STAT3: variants seen among roughly 807,000 people sequenced by gnomAD.
STAT3 encodes signal transducer and activator of transcription 3.
In STAT3, 7 loss-of-function variants were observed where a neutral mutation model predicts 114.3. The ratio of observed to expected loss-of-function variants is 0.06; its 90% confidence interval spans 0.03 to 0.11. The LOEUF is 0.11. Ranked by LOEUF, STAT3 falls within the 10% of genes least tolerant of loss-of-function variation. The pLI, the probability that STAT3 is intolerant of heterozygous loss-of-function variation, is 1.00. For missense variants in STAT3, 364 were observed against 960.9 expected, an observed-to-expected ratio of 0.38 and a Z score of 8.21; for synonymous variants, 331 against 354.5, an observed-to-expected ratio of 0.93 and a Z score of 0.74.
chr17:42,340,816 G>A (rs780789329), intron 4 of STAT3, among the ~76,000 whole-genome samples: 6 of 152,158 alleles, frequency 3.9e-5, no homozygotes, highest in African/African-American at 9.7e-5. Context: ...AAAGAACCCA[G>A]CACCTAAGCT....
chr17:42,345,824 C>T (rs1046091524), intron 3 of STAT3, among the ~76,000 whole-genome samples, 167 bp from the exon 4 acceptor site: 1 of 149,902 alleles, frequency 6.7e-6, no homozygotes, highest in African/African-American at 2.5e-5. Flanking sequence ...CGGCGGGGGG[C>T]GAAGGGGAGG....
rs1429749412 is a variant in STAT3 at position 42,324,045 on chromosome 17, GCA to G, written c.1601-422_1601-421del. On this transcript the variant is annotated intron_variant, in intron 17 of 23. Transcript: ENST00000264657. The surrounding 1 kb of genome is among the most constrained non-coding windows in gnomAD (Gnocchi z 4.5). ...TTTTTTAAAAACTAGCCTACGCTGG[GCA>G]CAGTGGCTCAAGCCTGTAATCCCAG... is the stretch of plus-strand genomic sequence containing the variant. Among the ~76,000 whole-genome samples the G allele has an allele frequency of 2.6e-5, 4 of 152,190 alleles. No individual in the cohort carries two copies. Among genetic ancestry groups the G allele is most frequent in the African/African-American group, 4.8e-5 (2 of 41,442 alleles).
At chr17:42,331,407 G>A in intron 11 of STAT3, 65 bp downstream of exon 11, 1 of 1,377,110 alleles carries the variant, frequency 7.3e-7, no homozygotes, top group Non-Finnish European at 1.0e-6. Flanking sequence ...TTCAAATGAT[G>A]TCTGTCAAAG....
At chr17:42,335,793 G>C (rs567486049) in intron 8 of STAT3, among the ~76,000 whole-genome samples, 1 of 152,252 alleles carries the variant, frequency 6.6e-6, no homozygotes, top group South Asian at 2.1e-4. Flanking sequence ...AACCTGGGAG[G>C]AGGAGGTTGC....
chr17:42,338,790 A>G lies in STAT3; in HGVS notation c.491T>C (p.Val164Ala). The G allele has an allele frequency of 6.2e-7, 1 of 1,613,746 alleles. No individual in the cohort carries two copies. The highest frequency in any genetic ancestry group is 8.5e-7 in the Non-Finnish European group (1 of 1,179,920). The change falls in exon 6 of 24, where the codon GTG becomes GCG. Residue 164 changes from valine to alanine, a missense_variant. Val to Ala is a moderately conservative substitution (Grantham distance 64). Coordinates refer to ENST00000264657, the MANE Select transcript of STAT3 (RefSeq NM_139276.3). ...AAAGTCATCCTGGAGATTCTCTACC[A>G]CTTTCATTTTCTGTTCTAGATCCTG... The part of the protein sequence containing the change: ...RVQDLEQKMK[V>A]VENLQDDFDF...
In STAT3 at chr17:42,317,187, C is replaced by T. The variant is rs768290157; in HGVS notation, c.2139G>A (p.Val713=). Residue 713 remains valine (V), a synonymous_variant, in exon 22 of 24, where the codon GTG becomes GTA. Coordinates refer to ENST00000264657, the MANE Select transcript of STAT3 (RefSeq NM_139276.3). ...GGGGAAAGGAAGCCACTTACGGTGT[C>T]ACACAGATAAACTTGGTCTTCAGGT... is the stretch of plus-strand genomic sequence containing the variant. ...APYLKTKFIC[V]TPTTCSNTID... is the part of the protein sequence containing the mutation. The T allele has an allele frequency of 6.2e-7, 1 of 1,614,032 alleles. No individual in the cohort carries two copies. The highest frequency in any genetic ancestry group is 1.7e-5 in the Admixed American group (1 of 60,012).
chr17:42,328,515 C>A (rs565109632), intron 14 of STAT3, among the ~76,000 whole-genome samples: 40 of 152,322 alleles, frequency 2.6e-4, no homozygotes, highest in African/African-American at 8.9e-4. Context: ...TCAAGCGATT[C>A]TCATGCCTCA....
intron 15 of STAT3, 85 bp downstream of exon 15, chr17:42,326,031 C>T: frequency 8.2e-7 from 1 of 1,224,840 alleles, no homozygotes; most frequent in Admixed American, 1.7e-5. Context: ...ATCATTCCAC[C>T]TTCTCTTGTA....
chr17:42,339,413 C>G lies in STAT3; in HGVS notation c.373-4G>C, dbSNP rs376611360. The G allele has an allele frequency of 1.2e-5, 20 of 1,613,782 alleles. No individual in the cohort carries two copies. In the African/African-American group the frequency reaches 1.9e-4, roughly 15 times the overall value. ...GGTGGTTGGCCTGGCCCCCTTGCTG[C>G]CAAAAAGGAGGTCAATGCACATGTG... On this transcript the variant is annotated splice_region_variant and splice_polypyrimidine_tract_variant and intron_variant, in intron 4 of 23. Transcript: ENST00000264657.
intron 1 of STAT3, among the ~76,000 whole-genome samples, chr17:42,380,154 A>G (rs2084695455): frequency 6.6e-6 from 1 of 151,842 alleles, no homozygotes; most frequent in Non-Finnish European, 1.5e-5. Context: ...CTCCTGCCTC[A>G]GCCTCCCGGG....
At position 42,315,749 on chromosome 17, in the gene STAT3, A is replaced by G. The variant is rs2144606051; in HGVS notation, c.2309T>C (p.Met770Thr). The part of the protein sequence containing the change: ...ELTSECATSP[M>T] The stretch of plus-strand genomic sequence containing the variant: ...GCAGCTTCCGTTCTCAGCTCCTCAC[A>G]TGGGGGAGGTAGCGCACTCCGAGGT... Residue 770 changes from methionine (M) to threonine (T), a missense_variant, in exon 24 of 24, where the codon ATG becomes ACG. By Grantham distance (81) the Met-to-Thr change is moderately conservative. Transcript: ENST00000264657. 1 of 1,613,962 alleles carries G rather than the reference A, an allele frequency of 6.2e-7. No homozygotes were observed. Among genetic ancestry groups the G allele is most frequent in the Non-Finnish European group, 8.5e-7 (1 of 1,179,944 alleles).
At position 42,313,335 on chromosome 17, in the gene STAT3, T is replaced by C. The variant is rs1476871669; in HGVS notation, c.*2410A>G. The C allele has an allele frequency of 5.9e-6, 1 of 170,292 alleles. No homozygotes were observed. The highest frequency in any genetic ancestry group is 2.8e-5 in the African/African-American group (1 of 35,226). 10.5% of individuals were successfully genotyped at this position (170,292 alleles called of 1,614,324 possible). A position where few individuals can be genotyped will look rare whatever the true frequency, so the allele number is the denominator to read the frequency against. The stretch of plus-strand genomic sequence containing the variant: ...CTGCCATGCTATCAGACGGTTCCTA[T>C]ATAACGTTTATTTCTGGAAGTTAAA... On this transcript the variant is annotated 3_prime_UTR_variant, in exon 24 of 24. Transcript: ENST00000264657.
chr17:42,358,860 G>A (rs191998308), intron 1 of STAT3, among the ~76,000 whole-genome samples: 44 of 151,786 alleles, frequency 2.9e-4, no homozygotes, highest in Admixed American at 2.6e-3. Flanking sequence ...TGCTGGTGCT[G>A]CTGGTGCCAG....
chr17:42,330,393 G>A (rs2081952810), intron 11 of STAT3, among the ~76,000 whole-genome samples: 1 of 150,932 alleles, frequency 6.6e-6, no homozygotes, highest in African/African-American at 2.4e-5. Context: ...TGAGATTACA[G>A]GCGTGAGCCA....
chr17:42,345,399 C>G, intron 4 of STAT3, 160 bp downstream of exon 4: 2 of 684,870 alleles, frequency 2.9e-6, no homozygotes, highest in East Asian at 2.8e-5. Flanking sequence ...GGGGGTGGAA[C>G]TTTCTTTTTT....
chr17:42,362,383 CAAGAGCTGTT>C (rs1434785163), intron 1 of STAT3, among the ~76,000 whole-genome samples: 8 of 152,284 alleles, frequency 5.3e-5, no homozygotes, highest in Admixed American at 5.2e-4. Flanking sequence ...GGGGCCATGG[CAAGAGCTGTT>C]AACTGTCTCC....
chr17:42,336,329 G>T (rs1012142892), intron 8 of STAT3, among the ~76,000 whole-genome samples: 1 of 152,188 alleles, frequency 6.6e-6, no homozygotes, highest in African/African-American at 2.4e-5. Flanking sequence ...GGGCACGGCA[G>T]CTCACATCTA....
intron 11 of STAT3, among the ~76,000 whole-genome samples, chr17:42,330,962 C>T (rs1179970336): frequency 1.3e-5 from 2 of 152,162 alleles, no homozygotes; most frequent in African/African-American, 4.8e-5. Flanking sequence ...AAAATTCCTA[C>T]TTCATTGAGA....
At chr17:42,327,881 A>AC (rs1416570130) in intron 14 of STAT3, among the ~76,000 whole-genome samples, 1 of 152,086 alleles carries the variant, frequency 6.6e-6, no homozygotes, top group Non-Finnish European at 1.5e-5. Flanking sequence ...CCCTGTCTCT[A>AC]CTAAAAATGC....
Sources: gnomAD v4.1 joint callset for allele counts (sites outside exome capture counted in the v4.1 genomes callset) on GRCh38, gnomAD v4.1.1 for gene constraint, Gnocchi (gnomAD v3.1) non-coding constraint, MANE v1.5 for transcripts, NCBI Gene and HGNC (gene_info 2026-07-23, HGNC 2026-07-21) for gene names.